LDAH: variants seen among roughly 807,000 people sequenced by gnomAD.
LDAH encodes lipid droplet associated hydrolase, also known as lipid droplet-associated hydrolase.
Under a neutral mutation model 29.6 loss-of-function variants are expected in LDAH, and 26 were observed. The observed-to-expected ratio is 0.88, with a 90% CI of 0.64 to 1.22. The LOEUF (loss-of-function observed/expected upper bound fraction) is 1.22. Among genes scored for constraint, LDAH ranks in the 50% most tolerant of loss-of-function variants. The pLI is 0.00. For synonymous variants in LDAH, 117 were observed against 133.0 expected (o/e 0.88, Z 0.83); for missense variants, 344 against 387.3 (o/e 0.89, Z 0.94).
At chr2:20,750,023 CTT>C (rs147397062) in intron 4 of LDAH, among the ~76,000 whole-genome samples, 44 of 127,072 alleles carry the variant, frequency 3.5e-4, no homozygotes, top group East Asian at 9.3e-4. Flanking sequence ...CCTTACTAAA[CTT>C]TTTTTTTTTT....
intron 4 of LDAH, among the ~76,000 whole-genome samples, chr2:20,763,402 G>C (rs1165845035): frequency 6.6e-6 from 1 of 152,228 alleles, no homozygotes; most frequent in African/African-American, 2.4e-5. Flanking sequence ...GCATGTACCA[G>C]AATCACCTGC....
intron 5 of LDAH, among the ~76,000 whole-genome samples, chr2:20,722,595 T>C (rs1665735611): frequency 2.0e-5 from 3 of 152,094 alleles, no homozygotes; most frequent in African/African-American, 7.2e-5. Flanking sequence ...AGAGAAGAAT[T>C]GTAATGTTCT....
intron 4 of LDAH, among the ~76,000 whole-genome samples, chr2:20,752,435 A>G (rs769811999): frequency 3.3e-5 from 5 of 152,240 alleles, no homozygotes; most frequent in Non-Finnish European, 7.3e-5. Flanking sequence ...CAAGACGGAT[A>G]CACAGGTCTT....
intron 4 of LDAH, among the ~76,000 whole-genome samples, chr2:20,740,713 T>C (rs533740606): frequency 3.9e-5 from 6 of 152,234 alleles, no homozygotes; most frequent in Admixed American, 3.3e-4. Context: ...TTGTAAGTTT[T>C]GGCAATTATG....
chr2:20,813,892 G>C lies in LDAH; in HGVS notation c.-3+9145C>G, dbSNP rs1463326169. ...ATTGTCTCTTCATATCATTTGTCTA[G>C]GTTCCAAGTGAGTTATCTTTTTCTT... On this transcript the variant is annotated intron_variant, in intron 1 of 6. Transcript: ENST00000237822. 3.9e-5 allele frequency among the ~76,000 whole-genome samples: 6 copies of C among 152,132 alleles called. No homozygotes were observed. The East Asian group carries it at 9.6e-4, about 24-fold the overall frequency.
intron 1 of LDAH, among the ~76,000 whole-genome samples, chr2:20,812,253 C>A (rs1011342332): frequency 2.6e-5 from 4 of 152,218 alleles, no homozygotes; most frequent in African/African-American, 9.7e-5. Context: ...TCTATTTTGG[C>A]TTCTATGCCA....
intron 4 of LDAH, among the ~76,000 whole-genome samples, chr2:20,767,364 G>A (rs780012743): frequency 1.3e-5 from 2 of 152,194 alleles, no homozygotes; most frequent in Non-Finnish European, 2.9e-5. Flanking sequence ...CCTGGTGCCC[G>A]CTCTGATCTT....
intron 3 of LDAH, among the ~76,000 whole-genome samples, chr2:20,776,236 T>TTGTG (rs376139124): frequency 6.6e-6 from 1 of 151,964 alleles, no homozygotes; most frequent in Non-Finnish European, 1.5e-5. Context: ...ATGGTTTTTT[T>TTGTG]TGTGTGTGTG....
At chr2:20,682,540 C>G (rs1272542852), downstream of LDAH, among the ~76,000 whole-genome samples, 6 of 152,166 alleles carry the variant, frequency 3.9e-5, no homozygotes, top group Admixed American at 3.9e-4. Context: ...CTGGAAAGTC[C>G]AAGATTGAGG....
downstream of LDAH, among the ~76,000 whole-genome samples, chr2:20,683,370 A>T (rs979563843): frequency 1.3e-5 from 2 of 152,202 alleles, no homozygotes; most frequent in African/African-American, 4.8e-5. Context: ...CCACAGATGT[A>T]TTTGTTCACA....
At chr2:20,818,839 G>A (rs1267366167) in intron 1 of LDAH, among the ~76,000 whole-genome samples, 3 of 152,168 alleles carry the variant, frequency 2.0e-5, no homozygotes, top group Admixed American at 2.0e-4. Context: ...GAAAGTCCAA[G>A]TGGTAATGAG....
chr2:20,769,684 T>C (rs1669273116), intron 4 of LDAH, among the ~76,000 whole-genome samples: 4 of 152,222 alleles, frequency 2.6e-5, no homozygotes, highest in Non-Finnish European at 5.9e-5. Flanking sequence ...TATAGTTGTA[T>C]GTTGAGTCTC....
chr2:20,762,792 G>C (rs970291613), intron 4 of LDAH, among the ~76,000 whole-genome samples: 13 of 152,172 alleles, frequency 8.5e-5, no homozygotes, highest in African/African-American at 3.1e-4. Flanking sequence ...TAAGCTAAAA[G>C]GATTAGCTAA....
chr2:20,707,972 C>A (rs1664434735), intron 5 of LDAH, among the ~76,000 whole-genome samples: 1 of 152,274 alleles, frequency 6.6e-6, no homozygotes, highest in East Asian at 1.9e-4. Context: ...ATCTAGGTTG[C>A]GTGCTCCTTA....
chr2:20,687,181 G>T, intron 6 of LDAH, 87 bp from the exon 7 acceptor site: 1 of 1,101,824 alleles, frequency 9.1e-7, no homozygotes, highest in Non-Finnish European at 1.3e-6. Context: ...GTGCTCTGAG[G>T]ACAGCACCTA....
At chr2:20,725,986 T>G (rs1023376622) in intron 5 of LDAH, among the ~76,000 whole-genome samples, 1 of 152,244 alleles carries the variant, frequency 6.6e-6, no homozygotes, top group Non-Finnish European at 1.5e-5. Context: ...GGACTGCCTA[T>G]GCCTGGATTT....
intron 3 of LDAH, among the ~76,000 whole-genome samples, chr2:20,776,227 T>C (rs1201519231): frequency 2.0e-5 from 3 of 152,126 alleles, no homozygotes; most frequent in African/African-American, 4.8e-5. Flanking sequence ...TGTTTGTATA[T>C]GGTTTTTTTT....
intron 2 of LDAH, among the ~76,000 whole-genome samples, chr2:20,797,520 C>T (rs755412916): frequency 6.6e-6 from 1 of 152,054 alleles, no homozygotes; most frequent in Non-Finnish European, 1.5e-5. Flanking sequence ...CTGTTTTGCC[C>T]GAGACTGTCA....
intron 3 of LDAH, among the ~76,000 whole-genome samples, 169 bp downstream of exon 3, chr2:20,790,086 T>C (rs1021389656): frequency 3.3e-5 from 5 of 152,220 alleles, no homozygotes; most frequent in Non-Finnish European, 7.3e-5. Flanking sequence ...GAAAATTACA[T>C]GAAGAGTTAA....
Sources: allele counts gnomAD v4.1 joint callset (sites outside exome capture counted in the v4.1 genomes callset), GRCh38; gene constraint gnomAD v4.1.1; transcripts MANE v1.5; gene names NCBI Gene and HGNC (gene_info 2026-07-23, HGNC 2026-07-21).